CDH18: variants seen among roughly 807,000 people sequenced by gnomAD.
CDH18 encodes cadherin 18.
In CDH18, 31 loss-of-function variants were observed where a neutral mutation model predicts 67.9. The observed-to-expected ratio is 0.46, with a 90% CI of 0.34 to 0.62. The LOEUF is 0.62. Ranked by LOEUF, CDH18 falls within the 20% of genes least tolerant of loss-of-function variation. The probability of loss-of-function intolerance (pLI) is 0.01; values close to 1 mark genes in which losing one functional copy is unlikely to be tolerated. For missense variants in CDH18, 890 were observed against 975.5 expected, an observed-to-expected ratio of 0.91 and a Z score of 1.17; for synonymous variants, 362 against 347.2, an observed-to-expected ratio of 1.04 and a Z score of -0.48.
Position 20,329,702 on chromosome 5 carries a change from G to A in CDH18, c.-579-74197C>T, listed in dbSNP as rs1429112362. On this transcript the variant is annotated intron_variant, in intron 1 of 14. Coordinates refer to the CDH18 transcript ENST00000507958. Reference sequence around the variant, plus strand: ...GGAGAATTTCTTGAACCCCGGAGGCGGAGGTTGCAGTGAGCCAAGTTTGCG... The same window carrying A: ...GGAGAATTTCTTGAACCCCGGAGGCAGAGGTTGCAGTGAGCCAAGTTTGCG... Among the ~76,000 whole-genome samples, 8 of 148,286 alleles carry A rather than the reference G, an allele frequency of 5.4e-5. No individual in the cohort carries two copies. The East Asian group carries it at 1.0e-3, about 19-fold the overall frequency.
intron 3 of CDH18, among the ~76,000 whole-genome samples, chr5:19,811,212 A>C (rs1244467963): frequency 6.6e-6 from 1 of 151,564 alleles, no homozygotes; most frequent in East Asian, 1.9e-4. Context: ...GGAAGGAAGG[A>C]AGGAAAGAAA....
At chr5:19,965,774 A>G (rs1019002086) in intron 2 of CDH18, among the ~76,000 whole-genome samples, 1 of 152,010 alleles carries the variant, frequency 6.6e-6, no homozygotes, top group Non-Finnish European at 1.5e-5. Context: ...AGAAAGAGAG[A>G]GGCAGGTAGA....
chr5:20,259,441 C>T (rs560465119), intron 1 of CDH18, among the ~76,000 whole-genome samples: 1 of 152,146 alleles, frequency 6.6e-6, no homozygotes, highest in East Asian at 1.9e-4. Flanking sequence ...CCCTGAGGCC[C>T]CAAGACCAAC....
chr5:20,478,519 C>T (rs1346161138), intron 1 of CDH18, among the ~76,000 whole-genome samples: 4 of 151,552 alleles, frequency 2.6e-5, no homozygotes, highest in Admixed American at 2.6e-4. Flanking sequence ...AATCCTTCTG[C>T]ATGAGGAAAG....
intron 5 of CDH18, among the ~76,000 whole-genome samples, chr5:19,638,649 C>T (rs1460882596): frequency 1.3e-5 from 2 of 149,884 alleles, no homozygotes; most frequent in Non-Finnish European, 3.0e-5. Context: ...TTCCTGCCTT[C>T]CCCCCCCGCG....
intron 5 of CDH18, among the ~76,000 whole-genome samples, chr5:19,624,801 A>C (rs1489286588): frequency 2.6e-5 from 4 of 152,170 alleles, no homozygotes; most frequent in Non-Finnish European, 5.9e-5. Flanking sequence ...CTTAATCTCT[A>C]GTACAAGCCC....
chr5:20,203,647 T>TAA (rs202008328), intron 2 of CDH18, among the ~76,000 whole-genome samples: 10 of 127,408 alleles, frequency 7.8e-5, no homozygotes, highest in African/African-American at 2.6e-4. Context: ...ATGTATACAA[T>TAA]AAAAAAAAAA....
chr5:19,895,232 T>C (rs1789180981), intron 2 of CDH18, among the ~76,000 whole-genome samples: 1 of 152,108 alleles, frequency 6.6e-6, no homozygotes, highest in Non-Finnish European at 1.5e-5. Flanking sequence ...CTGAAATAGG[T>C]AGATTTTTGA....
chr5:20,250,250 T>A (rs1018935048), intron 2 of CDH18, among the ~76,000 whole-genome samples: 1 of 151,910 alleles, frequency 6.6e-6, no homozygotes, highest in Non-Finnish European at 1.5e-5. Context: ...TTTAAAAATG[T>A]TTCAGTAATG....
intron 1 of CDH18, among the ~76,000 whole-genome samples, chr5:20,397,065 C>G (rs2150123978): frequency 6.6e-6 from 1 of 152,256 alleles, no homozygotes; most frequent in East Asian, 1.9e-4. Flanking sequence ...GAAAAAGACT[C>G]AACTCACATA....
chr5:20,573,806 A>ATATTT (rs1758941138), intron 1 of CDH18, among the ~76,000 whole-genome samples: 1 of 119,124 alleles, frequency 8.4e-6, no homozygotes, highest in Non-Finnish European at 1.8e-5. Flanking sequence ...ACTTAAAAGA[A>ATATTT]ATATATATAT....
At chr5:20,222,302 T>C (rs577316338) in intron 2 of CDH18, among the ~76,000 whole-genome samples, 1 of 152,168 alleles carries the variant, frequency 6.6e-6, no homozygotes, top group South Asian at 2.1e-4. Flanking sequence ...ATAGTTAATA[T>C]ATCATTATAT....
intron 3 of CDH18, among the ~76,000 whole-genome samples, chr5:19,778,910 C>T (rs781725946): frequency 1.2e-4 from 18 of 152,108 alleles, no homozygotes; most frequent in Admixed American, 6.6e-4. Context: ...GCTCAGATAC[C>T]TCCTCCTTGC....
chr5:19,906,247 T>A (rs1425122770), intron 2 of CDH18, among the ~76,000 whole-genome samples: 1 of 151,834 alleles, frequency 6.6e-6, no homozygotes, highest in African/African-American at 2.4e-5. Flanking sequence ...ATTATGTAGG[T>A]CTCATAATTT....
At chr5:20,417,610 G>C in intron 1 of CDH18, among the ~76,000 whole-genome samples, 1 of 152,034 alleles carries the variant, frequency 6.6e-6, no homozygotes, top group East Asian at 1.9e-4. Context: ...CAAACTCTAC[G>C]ACATGTCATT....
At chr5:20,051,004 T>C (rs544237345) in intron 2 of CDH18, among the ~76,000 whole-genome samples, 2 of 151,980 alleles carry the variant, frequency 1.3e-5, no homozygotes, top group South Asian at 4.1e-4. Context: ...AATGGAGTAT[T>C]GTAATAAAAA....
At chr5:20,570,880 G>C (rs1180071921) in intron 1 of CDH18, among the ~76,000 whole-genome samples, 1 of 152,130 alleles carries the variant, frequency 6.6e-6, no homozygotes, top group Admixed American at 6.5e-5. Context: ...TGCACACATA[G>C]TTTCACAAAG....
intron 4 of CDH18, among the ~76,000 whole-genome samples, chr5:19,728,814 G>A (rs1036892663): frequency 6.6e-6 from 1 of 152,126 alleles, no homozygotes; most frequent in Non-Finnish European, 1.5e-5. Context: ...GTACTTCTCT[G>A]AAGGAATCTC....
chr5:20,445,964 G>A (rs1401248174), intron 1 of CDH18, among the ~76,000 whole-genome samples: 1 of 152,080 alleles, frequency 6.6e-6, no homozygotes, highest in Non-Finnish European at 1.5e-5. Context: ...GGCTTGGTGG[G>A]GGGAGTTGAG....
Sources: allele counts gnomAD v4.1 joint callset (sites outside exome capture counted in the v4.1 genomes callset), GRCh38; gene constraint gnomAD v4.1.1; transcripts MANE v1.5; gene names NCBI Gene and HGNC (gene_info 2026-07-23, HGNC 2026-07-21).